The following ZBTB16 variants were observed in gnomAD, a reference collection of about 807,000 sequenced individuals.
ZBTB16 encodes zinc finger and BTB domain-containing protein 16.
A neutral mutation model predicts 56.8 loss-of-function variants in ZBTB16; 8 were observed. That is an observed-to-expected ratio of 0.14 (90% CI 0.08 to 0.25). The LOEUF (loss-of-function observed/expected upper bound fraction) is 0.25. ZBTB16 is among the 10% of genes least tolerant of loss of function. ZBTB16 has a pLI of 1.00. For missense variants in ZBTB16, 625 were observed against 903.0 expected (o/e 0.69, Z 3.95); for synonymous variants, 363 against 368.5 (o/e 0.98, Z 0.17).
chr11:114,159,555 G>T (rs1044724996), intron 3 of ZBTB16, among the ~76,000 whole-genome samples: 2 of 152,136 alleles, frequency 1.3e-5, no homozygotes, highest in Non-Finnish European at 1.5e-5. Flanking sequence ...ATAGCACAAA[G>T]GGCTTAGTGA....
intron 2 of ZBTB16, among the ~76,000 whole-genome samples, chr11:114,085,494 A>G (rs1939926440): frequency 7.3e-6 from 1 of 136,366 alleles, no homozygotes; most frequent in South Asian, 2.4e-4. Flanking sequence ...CCATATGTGT[A>G]TGACTTTGTG....
chr11:114,222,742 T>C (rs979478034), intron 4 of ZBTB16, among the ~76,000 whole-genome samples: 6 of 152,226 alleles, frequency 3.9e-5, no homozygotes, highest in African/African-American at 1.4e-4. Flanking sequence ...GCTAGTGACA[T>C]GGCTTTTGGC....
chr11:114,176,855 C>G (rs1355128567), intron 3 of ZBTB16, among the ~76,000 whole-genome samples: 1 of 152,144 alleles, frequency 6.6e-6, no homozygotes, highest in African/African-American at 2.4e-5. Flanking sequence ...CCAGCAGAAC[C>G]CTCCTTGAGC....
At chr11:114,145,483 C>A (rs1166519273) in intron 2 of ZBTB16, among the ~76,000 whole-genome samples, 1 of 152,302 alleles carries the variant, frequency 6.6e-6, no homozygotes, top group East Asian at 1.9e-4. Context: ...AGTACTGATA[C>A]AAGCTATGAT....
At chr11:114,150,859 C>T (rs989997292) in intron 2 of ZBTB16, among the ~76,000 whole-genome samples, 3 of 152,200 alleles carry the variant, frequency 2.0e-5, no homozygotes, top group Non-Finnish European at 4.4e-5. Flanking sequence ...GGCAGAGCTC[C>T]ATAAAGGGAC....
chr11:114,095,245 CTTTTTTTTTTT>C lies in ZBTB16; in HGVS notation c.1268+30693_1268+30703del, dbSNP rs745895999. 3.6e-3 allele frequency among the ~76,000 whole-genome samples: 323 copies of C among 90,472 alleles called. 2 individuals carry two copies. The highest frequency in any genetic ancestry group is 0.016 in the African/African-American group (257 of 16,152). The allele number at this position is 90,472 out of a possible 152,430, so 59.4% of individuals were successfully genotyped here. A position where few individuals can be genotyped will look rare whatever the true frequency, so the allele number is the denominator to read the frequency against. ...TAACCAATTTCTTTTCTTTTCTTTT[CTTTTTTTTTTT>C]TTTTTTTTTTTTTTTGTGATGGAGT... is the stretch of plus-strand genomic sequence containing the variant. On this transcript the variant is annotated intron_variant, in intron 2 of 6. Transcript: ENST00000335953.
intron 2 of ZBTB16, among the ~76,000 whole-genome samples, chr11:114,067,731 G>A (rs1939171037): frequency 6.6e-6 from 1 of 152,098 alleles, no homozygotes; most frequent in African/African-American, 2.4e-5. Context: ...GACTGAGGGT[G>A]GAAAGTCAGC....
At position 114,064,670 on chromosome 11, in the gene ZBTB16, C is replaced by T; in HGVS notation, c.1268+102C>T. The T allele has an allele frequency of 6.9e-7, 1 of 1,453,310 alleles. No homozygotes were observed. Among genetic ancestry groups the T allele is most frequent in the Non-Finnish European group, 9.4e-7 (1 of 1,066,398 alleles). The allele number at this position is 1,453,310 out of a possible 1,614,324, so 90.0% of individuals were successfully genotyped here. A position where few individuals can be genotyped will look rare whatever the true frequency, so the allele number is the denominator to read the frequency against. On this transcript the variant is annotated intron_variant, in intron 2 of 6. Coordinates refer to ENST00000335953, the MANE Select transcript of ZBTB16 (RefSeq NM_006006.6). This position sits in a 1 kb window ranked among gnomAD's most constrained non-coding sequence, Gnocchi z 4.2. ...CAAGTTAGGGGCCTGGCTCCCCTGT[C>T]TTGGCAATTTGTGAAAAAACCAGAA...
At chr11:114,241,040 C>G (rs1027846313) in intron 4 of ZBTB16, among the ~76,000 whole-genome samples, 3 of 152,178 alleles carry the variant, frequency 2.0e-5, no homozygotes, top group African/African-American at 7.2e-5. Context: ...TTCACAGACA[C>G]TATTCCATCT....
At chr11:114,190,142 C>G (rs1426298039) in intron 4 of ZBTB16, among the ~76,000 whole-genome samples, 2 of 152,096 alleles carry the variant, frequency 1.3e-5, no homozygotes, top group Admixed American at 1.3e-4. Context: ...TTAGTAGGTG[C>G]CAGGGGCTGG....
chr11:114,187,488 A>G (rs1943390087), intron 4 of ZBTB16: 1 of 239,868 alleles, frequency 4.2e-6, no homozygotes, highest in Admixed American at 4.9e-5. Flanking sequence ...ATCAGCGTGT[A>G]CGCAGGATGC....
intron 4 of ZBTB16, among the ~76,000 whole-genome samples, chr11:114,230,620 A>G (rs1944420418): frequency 1.9e-5 from 1 of 53,782 alleles, no homozygotes; most frequent in African/African-American, 7.7e-5. Context: ...TTAATTTGTA[A>G]TCATCTTCTG....
chr11:114,156,087 C>A (rs1942401256), intron 2 of ZBTB16, among the ~76,000 whole-genome samples: 1 of 152,106 alleles, frequency 6.6e-6, no homozygotes, highest in African/African-American at 2.4e-5. Flanking sequence ...GATTTTTTTT[C>A]TTGGTCCATG....
intron 2 of ZBTB16, among the ~76,000 whole-genome samples, chr11:114,126,413 G>C (rs1454179122): frequency 6.6e-6 from 1 of 152,210 alleles, no homozygotes; most frequent in Admixed American, 6.5e-5. Flanking sequence ...AGTTATTGAG[G>C]TGGTACTGGC....
At chr11:114,194,854 A>G (rs1019471023) in intron 4 of ZBTB16, among the ~76,000 whole-genome samples, 2 of 152,208 alleles carry the variant, frequency 1.3e-5, no homozygotes, top group Non-Finnish European at 2.9e-5. Context: ...GGCTTAATTT[A>G]TTCTCTGGGT....
In ZBTB16 at chr11:114,253,579, G is replaced by A. The variant is rs114841704; in HGVS notation, c.*3024G>A. The stretch of plus-strand genomic sequence containing the variant: ...GCACCTGGATGCCCCACCCAACCCC[G>A]TGGGCCCTGCAGACCCCAGTAGGGA... On this transcript the variant is annotated 3_prime_UTR_variant, in exon 7 of 7. Coordinates refer to ENST00000335953, the MANE Select transcript of ZBTB16 (RefSeq NM_006006.6). Among the ~76,000 whole-genome samples, 112 of 152,310 alleles carry A rather than the reference G, an allele frequency of 7.4e-4. No individual in the cohort carries two copies. Among genetic ancestry groups the A allele is most frequent in the African/African-American group, 2.6e-3 (109 of 41,566 alleles).
chr11:114,093,022 C>T (rs1421064525), intron 2 of ZBTB16, among the ~76,000 whole-genome samples: 1 of 152,136 alleles, frequency 6.6e-6, no homozygotes, highest in Non-Finnish European at 1.5e-5. Context: ...CAAAATCACC[C>T]TTTTAAAGAA....
chr11:114,197,259 G>A (rs1050482125), intron 4 of ZBTB16, among the ~76,000 whole-genome samples: 2 of 152,098 alleles, frequency 1.3e-5, no homozygotes, highest in Non-Finnish European at 2.9e-5. Context: ...CTGTGTTGTC[G>A]GCTGCAAGAG....
At chr11:114,205,779 A>T (rs1451753463) in intron 4 of ZBTB16, among the ~76,000 whole-genome samples, 1 of 152,210 alleles carries the variant, frequency 6.6e-6, no homozygotes, top group Non-Finnish European at 1.5e-5. Context: ...TATCTTTTCC[A>T]TATTCATTTT....
Sources: gnomAD v4.1 joint callset for allele counts (sites outside exome capture counted in the v4.1 genomes callset) on GRCh38, gnomAD v4.1.1 for gene constraint, Gnocchi (gnomAD v3.1) non-coding constraint, MANE v1.5 for transcripts, NCBI Gene and HGNC (gene_info 2026-07-23, HGNC 2026-07-21) for gene names.